The following ADCY3 variants were observed in gnomAD, a reference collection of about 807,000 sequenced individuals.
ADCY3 encodes the protein adenylate cyclase type 3.
A neutral mutation model predicts 119.4 loss-of-function variants in ADCY3; 70 were observed. The observed-to-expected ratio is 0.59, with a 90% CI of 0.48 to 0.72. ADCY3 has a LOEUF of 0.72. Among genes scored for constraint, ADCY3 ranks in the 30% least tolerant of loss-of-function variants. The pLI is 0.00. For missense variants in ADCY3, 1,238 were observed against 1,541.6 expected (o/e 0.80, Z 3.30); for synonymous variants, 672 against 621.4 (o/e 1.08, Z -1.21).
chr2:24,835,723 G>A (rs766591257), intron 9 of ADCY3, among the ~76,000 whole-genome samples: 2 of 152,076 alleles, frequency 1.3e-5, no homozygotes, highest in African/African-American at 2.4e-5. Context: ...ATCACTTGAG[G>A]TCAGGAGTTT....
chr2:24,895,171 ACCT>A (rs1193819795), intron 2 of ADCY3, among the ~76,000 whole-genome samples: 5 of 151,730 alleles, frequency 3.3e-5, no homozygotes, highest in African/African-American at 1.2e-4. Flanking sequence ...GCTCACTGCA[ACCT>A]CCTCCTCATG....
Position 24,840,639 on chromosome 2 carries a change from G to A in ADCY3, c.1197-608C>T, listed in dbSNP as rs557010000. The A allele has an allele frequency of 6.7e-4, 283 of 424,344 alleles. 3 individuals carry two copies. Among genetic ancestry groups the A allele is most frequent in the African/African-American group, 5.5e-3 (268 of 48,464 alleles). 26.3% of individuals were successfully genotyped at this position (424,344 alleles called of 1,614,324 possible). ...CCTCGGCAGGAGCTTCCCTTTCCGT[G>A]TTGGTGCCTGATGTCACCCCGGGTC... On this transcript the variant is annotated intron_variant, in intron 6 of 21. Transcript: ENST00000679454.
At chr2:24,914,325 C>G (rs1664168216) in intron 2 of ADCY3, among the ~76,000 whole-genome samples, 1 of 152,232 alleles carries the variant, frequency 6.6e-6, no homozygotes, top group South Asian at 2.1e-4. Flanking sequence ...CGTCCTGTTT[C>G]TGCCACCAAA....
In ADCY3 at chr2:24,829,778, GAT is replaced by G. The variant is rs764093803; in HGVS notation, c.2172+929_2172+930del. 6.7e-4 allele frequency among the ~76,000 whole-genome samples: 101 copies of G among 151,502 alleles called. 4 individuals are homozygous for G. Among genetic ancestry groups the G allele is most frequent in the Admixed American group, 1.1e-3 (16 of 15,218 alleles). On this transcript the variant is annotated intron_variant, in intron 13 of 21. Coordinates refer to ENST00000679454, the MANE Select transcript of ADCY3 (RefSeq NM_004036.5). Reference sequence around the variant, plus strand: ...AACATTATATTTGAAAAAAAAGGAAGATAGTGTATATGGTACTACCACAATTA... The same window carrying G: ...AACATTATATTTGAAAAAAAAGGAAGAGTGTATATGGTACTACCACAATTA...
chr2:24,887,138 G>A (rs575891842), intron 2 of ADCY3, among the ~76,000 whole-genome samples: 42 of 152,302 alleles, frequency 2.8e-4, no homozygotes, highest in Non-Finnish European at 5.4e-4. Flanking sequence ...CAATCATGGC[G>A]AAAGGGTCAC....
intron 11 of ADCY3, among the ~76,000 whole-genome samples, chr2:24,833,366 A>G (rs1027199010): frequency 1.3e-5 from 2 of 152,202 alleles, no homozygotes; most frequent in African/African-American, 4.8e-5. Context: ...CAGCACCTCT[A>G]TCCGAAGCAG....
At chr2:24,911,302 C>A (rs1663606822) in intron 2 of ADCY3, among the ~76,000 whole-genome samples, 1 of 135,842 alleles carries the variant, frequency 7.4e-6, no homozygotes, top group African/African-American at 2.8e-5. Flanking sequence ...CTCACTGTAA[C>A]TTCAAACTCC....
chr2:24,914,864 C>T (rs373031655), intron 2 of ADCY3, among the ~76,000 whole-genome samples: 4 of 152,046 alleles, frequency 2.6e-5, no homozygotes, highest in Non-Finnish European at 2.9e-5. Context: ...CCATGCTGCT[C>T]GGCAATATTC....
intron 3 of ADCY3, among the ~76,000 whole-genome samples, chr2:24,858,746 G>A (rs972618806): frequency 6.6e-6 from 1 of 152,196 alleles, no homozygotes; most frequent in African/African-American, 2.4e-5. Context: ...AAAGGCTTAA[G>A]ACCTGCCACA....
At chr2:24,820,180 G>A (rs1243022075) in intron 21 of ADCY3, 66 bp from the exon 22 acceptor site, 2 of 1,249,982 alleles carry the variant, frequency 1.6e-6, no homozygotes, top group East Asian at 5.2e-5. Context: ...GCGGGTGGGG[G>A]CTTTGGGTGG....
At chr2:24,890,877 C>T (rs1253673605) in intron 2 of ADCY3, among the ~76,000 whole-genome samples, 1 of 151,800 alleles carries the variant, frequency 6.6e-6, no homozygotes, top group Non-Finnish European at 1.5e-5. Context: ...TTAGACCTTT[C>T]TTCTTTTTTT....
chr2:24,851,467 G>T (rs1415954432), intron 3 of ADCY3, among the ~76,000 whole-genome samples: 2 of 152,192 alleles, frequency 1.3e-5, no homozygotes, highest in African/African-American at 2.4e-5. Flanking sequence ...CAAGTTTGCA[G>T]GTGACAAAGC....
At chr2:24,904,137 CAG>C (rs10566562) in intron 2 of ADCY3, among the ~76,000 whole-genome samples, 2 of 150,068 alleles carry the variant, frequency 1.3e-5, no homozygotes, top group Admixed American at 6.7e-5. Context: ...AGGAAGGAGA[CAG>C]AGAGAGAGAG....
Position 24,872,277 on chromosome 2 carries a change from T to C in ADCY3, c.825+293A>G, listed in dbSNP as rs1039112827. On this transcript the variant is annotated intron_variant, in intron 3 of 21. Coordinates refer to ENST00000679454, the MANE Select transcript of ADCY3 (RefSeq NM_004036.5). This position sits in a 1 kb window ranked among gnomAD's most constrained non-coding sequence, Gnocchi z 4.4. ...GCTGGCTGCTTGGGCAATGCATTTC[T>C]TGAAAGGGAAAAGTTTTACATTACG... Among the ~76,000 whole-genome samples, 3 of 152,114 alleles carry C rather than the reference T, an allele frequency of 2.0e-5. No individual in the cohort carries two copies. Among genetic ancestry groups the C allele is most frequent in the African/African-American group, 7.2e-5 (3 of 41,406 alleles).
intron 21 of ADCY3, 57 bp from the exon 22 acceptor site, chr2:24,820,171 C>CGGGG: frequency 1.2e-5 from 5 of 431,228 alleles, no homozygotes; most frequent in Non-Finnish European, 2.0e-5. Context: ...AGACTGAGGG[C>CGGGG]GGGTGGGGGC....
At chr2:24,877,659 G>A (rs867985236) in intron 2 of ADCY3, among the ~76,000 whole-genome samples, 2 of 152,196 alleles carry the variant, frequency 1.3e-5, no homozygotes, top group Admixed American at 1.3e-4. Flanking sequence ...ACACGAAGAC[G>A]AGCTCAGACA....
Position 24,918,255 on chromosome 2 carries a change from C to T in ADCY3, c.675+58G>A. On this transcript the variant is annotated intron_variant, in intron 2 of 21. Transcript: ENST00000679454. The surrounding 1 kb of genome is among the most constrained non-coding windows in gnomAD (Gnocchi z 5.4). ...AAGCAAACAGCAACTCCAACAGGTC[C>T]CAAGTTGGTGAGAGCTGCAGGAGAG... is the stretch of plus-strand genomic sequence containing the variant. 2 of 1,503,674 alleles carry T rather than the reference C, an allele frequency of 1.3e-6. No individual in the cohort carries two copies. The highest frequency in any genetic ancestry group is 1.4e-5 in the South Asian group (1 of 73,914). The allele number at this position is 1,503,674 out of a possible 1,614,324, so 93.1% of individuals were successfully genotyped here.
rs200667597 is a variant in ADCY3 at position 24,872,760 on chromosome 2, G to C, written c.676-41C>G. 5.6e-6 allele frequency: 9 copies of C among 1,596,754 alleles called. No individual in the cohort carries two copies. The highest frequency in any genetic ancestry group is 7.7e-6 in the Non-Finnish European group (9 of 1,168,120). ...GAAGAGAGAAAAGGCCAGGGGTGAA[G>C]GCACGTCTTCAGAAAAGGGGATGGA... On this transcript the variant is annotated intron_variant, in intron 2 of 21. Transcript: ENST00000679454. The surrounding 1 kb of genome is among the most constrained non-coding windows in gnomAD (Gnocchi z 4.4).
chr2:24,875,010 G>T (rs1675500877), intron 2 of ADCY3, among the ~76,000 whole-genome samples: 1 of 152,158 alleles, frequency 6.6e-6, no homozygotes, highest in African/African-American at 2.4e-5. Context: ...CTGCACAGCA[G>T]GTCTTAGGTA....
Sources: gnomAD v4.1 joint callset for allele counts (sites outside exome capture counted in the v4.1 genomes callset) on GRCh38, gnomAD v4.1.1 for gene constraint, Gnocchi (gnomAD v3.1) non-coding constraint, MANE v1.5 for transcripts, NCBI Gene and HGNC (gene_info 2026-07-23, HGNC 2026-07-21) for gene names.